Variants in ITGAL observed in about 807,000 individuals in gnomAD.
ITGAL encodes the protein integrin alpha-L.
A neutral mutation model predicts 138.4 loss-of-function variants in ITGAL; 68 were observed. The ratio of observed to expected loss-of-function variants is 0.49; its 90% confidence interval spans 0.40 to 0.60. The LOEUF (loss-of-function observed/expected upper bound fraction) is 0.60. Ranked by LOEUF, ITGAL falls within the 20% of genes least tolerant of loss-of-function variation. The pLI, the probability that ITGAL is intolerant of heterozygous loss-of-function variation, is 0.00. For synonymous variants in ITGAL, 561 were observed against 584.3 expected (o/e 0.96, Z 0.57); for missense variants, 1,256 against 1,478.6 (o/e 0.85, Z 2.47).
chr16:30,499,733 A>ATAT, intron 17 of ITGAL, among the ~76,000 whole-genome samples: 9 of 88,388 alleles, frequency 1.0e-4, no homozygotes, highest in African/African-American at 3.0e-4. Context: ...ATATATATAT[A>ATAT]TTTTTTTTTT....
chr16:30,512,718 A>C (rs2051107645), intron 24 of ITGAL, among the ~76,000 whole-genome samples: 1 of 151,936 alleles, frequency 6.6e-6, no homozygotes, highest in Non-Finnish European at 1.5e-5. Context: ...TTATTTTTTA[A>C]GAGACAGAGT....
chr16:30,505,036 A>AAG, intron 18 of ITGAL: 1 of 381,458 alleles, frequency 2.6e-6, no homozygotes, highest in East Asian at 3.7e-5. Flanking sequence ...AAAAAAAAAA[A>AAG]GAGCTGCCAG....
At chr16:30,488,927 G>A (rs551902444) in intron 9 of ITGAL, 155 bp from the exon 10 acceptor site, 18 of 657,620 alleles carry the variant, frequency 2.7e-5, no homozygotes, top group South Asian at 6.9e-5. Flanking sequence ...AGCCAACTCC[G>A]CATTAAGCCA....
intron 9 of ITGAL, chr16:30,488,860 G>C: frequency 1.8e-6 from 1 of 541,030 alleles, no homozygotes; most frequent in South Asian, 1.9e-5. Context: ...CTGGGCAACA[G>C]AGCAAGACCT....
intron 6 of ITGAL, chr16:30,481,143 AAC>A (rs60456127): frequency 0.22 from 47,941 of 214,722 alleles, 4,241 homozygotes; most frequent in Non-Finnish European, 0.27. Flanking sequence ...CTCTACTAAA[AAC>A]ACACACACAC....
intron 11 of ITGAL, among the ~76,000 whole-genome samples, chr16:30,492,581 G>A (rs1400169408): frequency 7.5e-6 from 1 of 133,972 alleles, no homozygotes; most frequent in Non-Finnish European, 1.6e-5. Flanking sequence ...TTTTGAGACG[G>A]AGTCTTGCTC....
At chr16:30,518,180 G>T (rs943430655) in intron 28 of ITGAL, among the ~76,000 whole-genome samples, 2 of 152,152 alleles carry the variant, frequency 1.3e-5, no homozygotes, top group Non-Finnish European at 2.9e-5. Flanking sequence ...CTGGGGCGGG[G>T]CTCAAGCCTA....
intron 7 of ITGAL, among the ~76,000 whole-genome samples, chr16:30,481,901 TG>T (rs1302729533): frequency 6.6e-6 from 1 of 152,140 alleles, no homozygotes; most frequent in Non-Finnish European, 1.5e-5. Context: ...TTTTTGTTTT[TG>T]TTTTTTGAGA....
chr16:30,473,096 A>C (rs2050417058), intron 1 of ITGAL, among the ~76,000 whole-genome samples, 198 bp downstream of exon 1: 1 of 152,152 alleles, frequency 6.6e-6, no homozygotes, highest in Non-Finnish European at 1.5e-5. Context: ...GTGGAGGCAA[A>C]GACAGAGAAG....
At chr16:30,481,250 G>C (rs1374342214) in intron 6 of ITGAL, 189 bp from the exon 7 acceptor site, 30 of 535,872 alleles carry the variant, frequency 5.6e-5, no homozygotes, top group East Asian at 6.6e-5. Flanking sequence ...GGAGGCTGAG[G>C]CATGAAAATC....
At chr16:30,508,731 G>A (rs1179353469) in intron 21 of ITGAL, among the ~76,000 whole-genome samples, 2 of 152,066 alleles carry the variant, frequency 1.3e-5, no homozygotes, top group African/African-American at 4.8e-5. Flanking sequence ...GTGGTGGGGT[G>A]TGCCTGTAGT....
chr16:30,483,857 C>T lies in ITGAL; in HGVS notation c.753C>T (p.Ala251=), dbSNP rs192412809. ...AGGTGTTCCGGGAGGAGCTGGGGGC[C>T]CGGCCAGATGCCACCAAAGTGCTTA... ...ATEVFREELG[A]RPDATKVLII... is the part of the protein sequence containing the mutation. Residue 251 remains alanine, a synonymous_variant, in exon 8 of 31, where the codon GCC becomes GCT. Transcript: ENST00000356798. 41 of 1,613,958 alleles carry T rather than the reference C, an allele frequency of 2.5e-5. No individual in the cohort carries two copies. In the East Asian group the frequency reaches 8.7e-4, roughly 34 times the overall value.
Position 30,518,641 on chromosome 16 carries a change from C to G in ITGAL, c.3150C>G (p.Ser1050Arg), listed in dbSNP as rs2051207194. 1 of 1,613,760 alleles carries G rather than the reference C, an allele frequency of 6.2e-7. No individual in the cohort carries two copies. The highest frequency in any genetic ancestry group is 1.3e-5 in the African/African-American group (1 of 75,026). Residue 1050 changes from serine (S) to arginine (R), a missense_variant, in exon 29 of 31, where the codon AGC becomes AGG. Physicochemically the swap from Ser to Arg is moderately radical, Grantham distance 110. This residue lies in a region of ITGAL where 867 missense variants were observed against 972.5 expected (regional missense o/e 0.89). Coordinates refer to ENST00000356798, the MANE Select transcript of ITGAL (RefSeq NM_002209.3). Reference sequence around the variant, plus strand: ...TCCCACAGGCCTCTTCCATGTTCAGCCTCTGCAGCTCCCTCTCCATCTCCT... The same window carrying G: ...TCCCACAGGCCTCTTCCATGTTCAGGCTCTGCAGCTCCCTCTCCATCTCCT... ...VGEIEASSMF[S>R]LCSSLSISFN...
At chr16:30,477,706 T>A (rs920166945) in intron 4 of ITGAL, among the ~76,000 whole-genome samples, 2 of 149,484 alleles carry the variant, frequency 1.3e-5, no homozygotes, top group African/African-American at 4.9e-5. Flanking sequence ...CTGGGCAACA[T>A]GGCAAAATGC....
rs1193634387 is a variant in ITGAL at position 30,499,733 on chromosome 16, A to ATTTTTTTT, written c.2145+250_2145+257dup. 2.2e-4 allele frequency among the ~76,000 whole-genome samples: 19 copies of ATTTTTTTT among 88,352 alleles called. 1 individual carries two copies. The highest frequency in any genetic ancestry group is 1.1e-3 in the African/African-American group (19 of 16,736). The allele number at this position is 88,352 out of a possible 152,430, so 58.0% of individuals were successfully genotyped here. A position where few individuals can be genotyped will look rare whatever the true frequency, so the allele number is the denominator to read the frequency against. ...TATATGTATATATATATATATATAT[A>ATTTTTTTT]TTTTTTTTTTTTTGACACAGAGTCT... is the stretch of plus-strand genomic sequence containing the variant. On this transcript the variant is annotated intron_variant, in intron 17 of 30. Transcript: ENST00000356798.
rs1432531749 is a variant in ITGAL, at chr16:30,517,859, A to G, written c.3096A>G (p.Gln1032=). 3 of 1,614,112 alleles carry G rather than the reference A, an allele frequency of 1.9e-6. No homozygotes were observed. The highest frequency in any genetic ancestry group is 1.7e-5 in the Admixed American group (1 of 60,010). Residue 1032 remains glutamine (Q), a synonymous_variant, in exon 28 of 31, where the codon CAA becomes CAG. Coordinates refer to ENST00000356798, the MANE Select transcript of ITGAL (RefSeq NM_002209.3). ...TCTTCAGGCAGGAGATCCTCGTCCA[A>G]GTGATCGGGACTCTGGAGCTGGTGG... ...PVVFRQEILV[Q]VIGTLELVGE... is the part of the protein sequence containing the mutation.
intron 20 of ITGAL, 136 bp downstream of exon 20, chr16:30,505,598 C>T (rs1305270439): frequency 1.4e-6 from 1 of 704,606 alleles, no homozygotes; most frequent in Admixed American, 2.5e-5. Flanking sequence ...AAATTTGAGG[C>T]TGAACTCAGG....
At position 30,484,279 on chromosome 16, in the gene ITGAL, TG is replaced by T. The variant is rs1219849982; in HGVS notation, c.1006+19del. On this transcript the variant is annotated intron_variant, in intron 9 of 30. Transcript: ENST00000356798. The stretch of plus-strand genomic sequence containing the variant: ...GTCATTGAGGGTGAGTGGCAGGCCC[TG>T]GGAGAGGGCTCGGGAGTCTGCATAA... 3.7e-6 allele frequency: 6 copies of T among 1,608,640 alleles called. No individual in the cohort carries two copies. Among genetic ancestry groups the T allele is most frequent in the Non-Finnish European group, 3.4e-6 (4 of 1,176,110 alleles).
At chr16:30,513,922 C>A in intron 25 of ITGAL, 76 bp downstream of exon 25, 2 of 1,058,730 alleles carry the variant, frequency 1.9e-6, no homozygotes. Context: ...ATGCAGGCAC[C>A]AAGTAGACAC....
Sources: allele counts gnomAD v4.1 joint callset (sites outside exome capture counted in the v4.1 genomes callset), GRCh38; gene constraint gnomAD v4.1.1; regional missense constraint gnomAD v4.1.1; transcripts MANE v1.5; gene names NCBI Gene and HGNC (gene_info 2026-07-23, HGNC 2026-07-21).